GRIK2: variants seen among roughly 807,000 people sequenced by gnomAD.
GRIK2 encodes the protein glutamate ionotropic receptor kainate type subunit 2.
In GRIK2, 32 loss-of-function variants were observed where a neutral mutation model predicts 100.3. That is an observed-to-expected ratio of 0.32 (90% confidence interval 0.24 to 0.43). GRIK2 has a LOEUF of 0.43. Ranked by LOEUF, GRIK2 falls within the 20% of genes least tolerant of loss-of-function variation. The pLI, the probability that GRIK2 is intolerant of heterozygous loss-of-function variation, is 1.00. For synonymous variants in GRIK2, 417 were observed against 389.4 expected, an observed-to-expected ratio of 1.07 and a Z score of -0.83; for missense variants, 843 against 1,114.9, an observed-to-expected ratio of 0.76 and a Z score of 3.47.
intron 7 of GRIK2, among the ~76,000 whole-genome samples, chr6:101,784,222 G>T (rs1045926971): frequency 6.6e-6 from 1 of 152,202 alleles, no homozygotes; most frequent in East Asian, 1.9e-4. Context: ...CAGGCCCAGG[G>T]CCCTGCTACT....
At chr6:101,945,216 C>T (rs1791200221) in intron 14 of GRIK2, among the ~76,000 whole-genome samples, 2 of 151,870 alleles carry the variant, frequency 1.3e-5, no homozygotes, top group African/African-American at 4.8e-5. Context: ...ACAACTTAAG[C>T]GTCTTAAATG....
At chr6:102,065,923 C>A in intron 16 of GRIK2, 1 of 1,393,496 alleles carries the variant, frequency 7.2e-7, no homozygotes. Context: ...ATAAGTACAT[C>A]TAATAGTAGG....
At chr6:101,611,678 G>A (rs1342085799) in intron 2 of GRIK2, among the ~76,000 whole-genome samples, 1 of 151,606 alleles carries the variant, frequency 6.6e-6, no homozygotes, top group Non-Finnish European at 1.5e-5. Context: ...AAGTAGGAAG[G>A]GTGGGAGATA....
At chr6:101,556,459 C>T (rs1776757524) in intron 2 of GRIK2, among the ~76,000 whole-genome samples, 1 of 149,278 alleles carries the variant, frequency 6.7e-6, no homozygotes, top group Non-Finnish European at 1.5e-5. Flanking sequence ...CTCAGCCTCC[C>T]GAGATATATT....
rs371674003 is a variant in GRIK2, at chr6:102,001,906, ATTTAAT to A, written c.2086-33430_2086-33425del. Among the ~76,000 whole-genome samples the A allele has an allele frequency of 2.7e-3, 403 of 151,964 alleles. 1 individual carries two copies. Among genetic ancestry groups the A allele is most frequent in the Non-Finnish European group, 4.1e-3 (279 of 67,910 alleles). On this transcript the variant is annotated intron_variant, in intron 14 of 16. Transcript: ENST00000369134. ...TATCTTTCTGTTAATTTGATTGCTA[ATTTAAT>A]TTTATCAGAAATTAATTTCAAAGTT...
intron 2 of GRIK2, among the ~76,000 whole-genome samples, chr6:101,514,512 T>G (rs896826596): frequency 2.6e-5 from 4 of 152,264 alleles, no homozygotes; most frequent in South Asian, 4.1e-4. Flanking sequence ...GTTAAACTTA[T>G]AATTTCTCTA....
chr6:101,843,856 G>T (rs1783656622), intron 10 of GRIK2, among the ~76,000 whole-genome samples: 1 of 152,114 alleles, frequency 6.6e-6, no homozygotes, highest in African/African-American at 2.4e-5. Context: ...CCAAGGCTGG[G>T]CACCAAATTC....
intron 12 of GRIK2, among the ~76,000 whole-genome samples, chr6:101,891,243 G>C (rs1266350100): frequency 1.3e-5 from 2 of 151,706 alleles, no homozygotes; most frequent in Non-Finnish European, 2.9e-5. Flanking sequence ...TATTGGCCGG[G>C]TGTGGTTGCT....
chr6:102,042,778 G>T (rs1441536478), intron 15 of GRIK2, among the ~76,000 whole-genome samples: 3 of 151,646 alleles, frequency 2.0e-5, no homozygotes, highest in African/African-American at 7.2e-5. Context: ...CATAAGAAAG[G>T]TAGGGTTTAT....
intron 2 of GRIK2, among the ~76,000 whole-genome samples, chr6:101,400,295 TG>T (rs1775224073): frequency 6.6e-6 from 1 of 152,136 alleles, no homozygotes; most frequent in Non-Finnish European, 1.5e-5. Context: ...AATCTAAACG[TG>T]GGATTCCAGT....
At chr6:101,605,479 A>G (rs554625592) in intron 2 of GRIK2, among the ~76,000 whole-genome samples, 1 of 152,072 alleles carries the variant, frequency 6.6e-6, no homozygotes, top group South Asian at 2.1e-4. Flanking sequence ...AAATAAAATA[A>G]AGCTTAAATA....
At chr6:101,711,577 G>C (rs944913771) in intron 7 of GRIK2, among the ~76,000 whole-genome samples, 15 of 151,680 alleles carry the variant, frequency 9.9e-5, no homozygotes, top group African/African-American at 3.6e-4. Context: ...TTACTTCCTT[G>C]GGAAACAAGT....
intron 15 of GRIK2, among the ~76,000 whole-genome samples, chr6:102,035,958 A>C (rs1770246583): frequency 6.6e-6 from 1 of 151,370 alleles, no homozygotes; most frequent in Admixed American, 6.6e-5. Flanking sequence ...GAGTTAACGA[A>C]AATAAGTGAG....
intron 4 of GRIK2, among the ~76,000 whole-genome samples, chr6:101,642,862 A>G (rs940347814): frequency 2.0e-5 from 3 of 151,614 alleles, no homozygotes; most frequent in African/African-American, 7.3e-5. Context: ...AGTGCACAAG[A>G]GTTCTAACTT....
chr6:101,865,242 G>A (rs1487981578), intron 11 of GRIK2, among the ~76,000 whole-genome samples: 1 of 152,146 alleles, frequency 6.6e-6, no homozygotes, highest in Non-Finnish European at 1.5e-5. Context: ...GAAGACTCAC[G>A]ATGCCACAGA....
intron 2 of GRIK2, among the ~76,000 whole-genome samples, chr6:101,541,475 G>A (rs1380891391): frequency 6.6e-6 from 1 of 151,474 alleles, no homozygotes; most frequent in Non-Finnish European, 1.5e-5. Flanking sequence ...TGGGATGAAG[G>A]TGAGAAAGGA....
chr6:101,652,778 TTC>T (rs1246564982), intron 4 of GRIK2, among the ~76,000 whole-genome samples: 1 of 152,176 alleles, frequency 6.6e-6, no homozygotes, highest in East Asian at 1.9e-4. Flanking sequence ...GCAAAGCGGT[TTC>T]CTCAAAGGAG....
chr6:101,414,256 C>T (rs748115295), intron 2 of GRIK2, among the ~76,000 whole-genome samples: 1 of 152,164 alleles, frequency 6.6e-6, no homozygotes, highest in Non-Finnish European at 1.5e-5. Context: ...TTTATTCTTG[C>T]TATCAGATTA....
chr6:101,827,073 T>C (rs953287261), intron 10 of GRIK2, among the ~76,000 whole-genome samples: 2 of 151,842 alleles, frequency 1.3e-5, no homozygotes, highest in Admixed American at 1.3e-4. Context: ...AGTTACAGGA[T>C]AAAAACAGAA....
Sources: allele counts gnomAD v4.1 joint callset (sites outside exome capture counted in the v4.1 genomes callset), GRCh38; gene constraint gnomAD v4.1.1; transcripts MANE v1.5; gene names NCBI Gene and HGNC (gene_info 2026-07-23, HGNC 2026-07-21).